Variants in GATAD2B observed in about 807,000 individuals in gnomAD.
GATAD2B encodes the protein GATA zinc finger domain containing 2B, also known as transcriptional repressor p66-beta.
GATAD2B carries 8 observed loss-of-function variants against 64.3 expected under a neutral mutation model. The observed-to-expected ratio is 0.12, with a 90% CI of 0.07 to 0.22. The LOEUF is 0.22. Ranked by LOEUF, GATAD2B falls within the 10% of genes least tolerant of loss-of-function variation. The pLI is 1.00. For synonymous variants in GATAD2B, 281 were observed against 271.3 expected, an observed-to-expected ratio of 1.04 and a Z score of -0.35; for missense variants, 453 against 752.0, an observed-to-expected ratio of 0.60 and a Z score of 4.65.
intron 1 of GATAD2B, among the ~76,000 whole-genome samples, chr1:153,838,599 C>T (rs1017669098): frequency 1.3e-5 from 2 of 152,000 alleles, no homozygotes; most frequent in Non-Finnish European, 2.9e-5. Context: ...CCCCCGGGTT[C>T]AAGCGACTCT....
At chr1:153,865,287 C>T (rs1424937651) in intron 1 of GATAD2B, among the ~76,000 whole-genome samples, 1 of 152,040 alleles carries the variant, frequency 6.6e-6, no homozygotes, top group Non-Finnish European at 1.5e-5. Context: ...TGGTGAAACC[C>T]CGTCTCTACT....
intron 1 of GATAD2B, chr1:153,886,577 G>C (rs1677191465): frequency 6.8e-6 from 1 of 147,544 alleles, no homozygotes; most frequent in African/African-American, 2.5e-5. Flanking sequence ...GCCCAGGCTG[G>C]AGTGCAGTGG....
chr1:153,887,025 C>G (rs1677205508), intron 1 of GATAD2B, among the ~76,000 whole-genome samples: 1 of 152,072 alleles, frequency 6.6e-6, no homozygotes, highest in African/African-American at 2.4e-5. Flanking sequence ...TTGAGTCGGT[C>G]CAGTCTATTT....
At chr1:153,822,674 T>C (rs900640186) in intron 2 of GATAD2B, among the ~76,000 whole-genome samples, 1 of 152,038 alleles carries the variant, frequency 6.6e-6, no homozygotes, top group Non-Finnish European at 1.5e-5. Flanking sequence ...CGGCTAATTT[T>C]TGTATTTAGA....
At chr1:153,846,661 A>C (rs1296759644) in intron 1 of GATAD2B, among the ~76,000 whole-genome samples, 3 of 146,370 alleles carry the variant, frequency 2.0e-5, no homozygotes, top group Non-Finnish European at 4.4e-5. Flanking sequence ...TCCTGGGTTC[A>C]AGCAATTCTC....
At chr1:153,909,615 A>G (rs1282653322) in intron 1 of GATAD2B, among the ~76,000 whole-genome samples, 2 of 151,684 alleles carry the variant, frequency 1.3e-5, no homozygotes, top group Non-Finnish European at 1.5e-5. Flanking sequence ...CCTGGCCAAC[A>G]TGGTGAAACC....
chr1:153,819,054 T>A (rs1003807285), intron 3 of GATAD2B, 132 bp from the exon 4 acceptor site: 2 of 865,728 alleles, frequency 2.3e-6, no homozygotes, highest in Non-Finnish European at 3.5e-6. Flanking sequence ...TAGGATTATC[T>A]TTGTATCACT....
chr1:153,809,985 G>C lies in GATAD2B; in HGVS notation c.*192C>G. Reference sequence around the variant, plus strand: ...GCAGAAGAACAGATCGCAGCAGTGTGAAATAAAGGGGAGGTGGCAGGGCAG... The same window carrying C: ...GCAGAAGAACAGATCGCAGCAGTGTCAAATAAAGGGGAGGTGGCAGGGCAG... On this transcript the variant is annotated 3_prime_UTR_variant, in exon 11 of 11. Coordinates refer to ENST00000368655, the MANE Select transcript of GATAD2B (RefSeq NM_020699.4). The C allele has an allele frequency of 1.8e-6, 1 of 563,642 alleles. No individual in the cohort carries two copies. Among genetic ancestry groups the C allele is most frequent in the Non-Finnish European group, 3.1e-6 (1 of 321,022 alleles). The allele number at this position is 563,642 out of a possible 1,614,324, so 34.9% of individuals were successfully genotyped here.
intron 1 of GATAD2B, among the ~76,000 whole-genome samples, chr1:153,866,256 A>C (rs1460165108): frequency 1.3e-5 from 2 of 151,996 alleles, no homozygotes; most frequent in African/African-American, 4.8e-5. Flanking sequence ...ATTAGTCATA[A>C]TAGAGAGGTG....
chr1:153,875,015 G>A (rs1165873978), intron 1 of GATAD2B, among the ~76,000 whole-genome samples: 2 of 151,980 alleles, frequency 1.3e-5, no homozygotes, highest in East Asian at 1.9e-4. Context: ...CAACTAACTG[G>A]GACTACAGGG....
intron 1 of GATAD2B, among the ~76,000 whole-genome samples, chr1:153,917,813 TG>T (rs1257821988): frequency 6.6e-6 from 1 of 151,996 alleles, no homozygotes; most frequent in Non-Finnish European, 1.5e-5. Flanking sequence ...AGGCAATAAA[TG>T]TAACAAATAA....
At chr1:153,875,683 G>GAAAAA (rs11340415) in intron 1 of GATAD2B, among the ~76,000 whole-genome samples, 4 of 78,408 alleles carry the variant, frequency 5.1e-5, no homozygotes, top group Admixed American at 1.7e-4. Flanking sequence ...AGTTTGGAGG[G>GAAAAA]AAAAAAAAAA....
intron 8 of GATAD2B, among the ~76,000 whole-genome samples, chr1:153,812,807 A>G (rs1022007745): frequency 4.6e-5 from 7 of 152,300 alleles, no homozygotes; most frequent in South Asian, 2.1e-4. Context: ...TTCTCATCCT[A>G]TAACTGCTAC....
At chr1:153,848,552 T>C (rs1055642459) in intron 1 of GATAD2B, among the ~76,000 whole-genome samples, 1 of 152,198 alleles carries the variant, frequency 6.6e-6, no homozygotes, top group Non-Finnish European at 1.5e-5. Flanking sequence ...AGTGTTCCCA[T>C]GGTTTTAAAT....
intron 1 of GATAD2B, among the ~76,000 whole-genome samples, chr1:153,838,675 T>C (rs1418871029): frequency 6.6e-6 from 1 of 152,210 alleles, no homozygotes; most frequent in Non-Finnish European, 1.5e-5. Context: ...TTTTCTCTTT[T>C]ACATTCAGAG....
intron 1 of GATAD2B, chr1:153,852,804 T>G: frequency 1.1e-6 from 1 of 905,068 alleles, no homozygotes; most frequent in Non-Finnish European, 1.8e-6. Context: ...CCATATCATA[T>G]CCTTCAACTT....
intron 1 of GATAD2B, among the ~76,000 whole-genome samples, chr1:153,904,723 TCAGA>T (rs1193671722): frequency 3.3e-5 from 5 of 151,576 alleles, no homozygotes; most frequent in Admixed American, 2.0e-4. Context: ...TTTTTTTTTC[TCAGA>T]CAGAGTCTCT....
At chr1:153,856,440 A>C (rs993366728) in intron 1 of GATAD2B, among the ~76,000 whole-genome samples, 3 of 152,224 alleles carry the variant, frequency 2.0e-5, no homozygotes, top group Admixed American at 2.0e-4. Flanking sequence ...GTGCCAAGCA[A>C]ATATGGCAAA....
chr1:153,884,984 T>C (rs573184078), intron 1 of GATAD2B, among the ~76,000 whole-genome samples: 2 of 152,214 alleles, frequency 1.3e-5, no homozygotes, highest in East Asian at 3.9e-4. Context: ...CTCAAACTAC[T>C]GGCCTGAAGA....
Sources: allele counts gnomAD v4.1 joint callset (sites outside exome capture counted in the v4.1 genomes callset), GRCh38; gene constraint gnomAD v4.1.1; transcripts MANE v1.5; gene names NCBI Gene and HGNC (gene_info 2026-07-23, HGNC 2026-07-21).